ENOX2: variants seen among roughly 807,000 people sequenced by gnomAD.
ENOX2 encodes APK1 antigen.
Under a neutral mutation model 45.0 loss-of-function variants are expected in ENOX2, and 36 were observed. The ratio of observed to expected loss-of-function variants is 0.80; its 90% CI spans 0.61 to 1.06. The LOEUF (loss-of-function observed/expected upper bound fraction) is 1.06, where lower values mean the gene tolerates loss of function less well. Ranked by LOEUF, ENOX2 falls within the 50% of genes least tolerant of loss-of-function variation. The pLI is 0.00. For synonymous variants in ENOX2, 174 were observed against 152.3 expected (o/e 1.14, Z -1.05); for missense variants, 423 against 462.5 (o/e 0.91, Z 0.78).
At chrX:130,648,174 T>C (rs1045990986) in intron 10 of ENOX2, among the ~76,000 whole-genome samples, 1 of 111,869 alleles carries the variant, frequency 8.9e-6, no homozygotes, top group African/African-American at 3.2e-5. Flanking sequence ...GAAATTAAAC[T>C]GGCTGGGTGC....
In ENOX2 at chrX:130,690,200, A is replaced by G. The variant is rs770651603; in HGVS notation, c.98-1182T>C. Among the ~76,000 whole-genome samples the G allele has an allele frequency of 5.4e-5, 6 of 111,514 alleles. No individual in the cohort carries two copies. In the South Asian group the frequency reaches 1.5e-3, roughly 29 times the overall value. On this transcript the variant is annotated intron_variant, in intron 4 of 14. Transcript: ENST00000394363. ...AGGGGAACTTAGAAAATTTCAAGAA[A>G]GGTACTTCTTACAACCAGAATACAA...
chrX:130,884,210 G>A (rs1195572732), intron 2 of ENOX2, among the ~76,000 whole-genome samples: 2 of 111,695 alleles, frequency 1.8e-5, no homozygotes, highest in South Asian at 3.7e-4. Flanking sequence ...TTTCTTTTTT[G>A]CCAGAAGGAA....
At chrX:130,634,842 C>T (rs2035887679) in intron 12 of ENOX2, 142 bp downstream of exon 12, 1 of 422,805 alleles carries the variant, frequency 2.4e-6, no homozygotes, top group East Asian at 4.0e-5. Context: ...TAAGAATTAC[C>T]CCCGAGAGGG....
chrX:130,655,182 A>C (rs977801096), intron 10 of ENOX2, among the ~76,000 whole-genome samples: 1 of 112,660 alleles, frequency 8.9e-6, no homozygotes, highest in Non-Finnish European at 1.9e-5. Context: ...ATTTATTTGC[A>C]GTAATTAGTT....
chrX:130,860,328 C>T (rs993421470), intron 2 of ENOX2, among the ~76,000 whole-genome samples: 2 of 111,928 alleles, frequency 1.8e-5, no homozygotes, highest in Admixed American at 9.4e-5. Flanking sequence ...TTCACTCCCA[C>T]GGATTTCTTT....
chrX:130,897,820 A>G (rs183771848), intron 2 of ENOX2, among the ~76,000 whole-genome samples: 127 of 111,664 alleles, frequency 1.1e-3, no homozygotes, highest in African/African-American at 4.0e-3. Flanking sequence ...ACTATTTTAT[A>G]TAGAGACCAG....
chrX:130,679,493 A>G (rs1437001031), intron 6 of ENOX2, 49 bp downstream of exon 6: 2 of 1,020,030 alleles, frequency 2.0e-6, no homozygotes, highest in Non-Finnish European at 2.8e-6. Flanking sequence ...TCTATCTTTA[A>G]TATCTGCGTT....
intron 2 of ENOX2, among the ~76,000 whole-genome samples, chrX:130,873,480 G>A (rs147575769): frequency 1.8e-5 from 2 of 111,943 alleles, no homozygotes; most frequent in South Asian, 7.5e-4. Flanking sequence ...GTGGAAGACA[G>A]TGTGGTGATT....
At chrX:130,703,375 G>A (rs1479275271) in intron 3 of ENOX2, 121 bp from the exon 4 acceptor site, 3 of 621,362 alleles carry the variant, frequency 4.8e-6, no homozygotes, top group Non-Finnish European at 7.1e-6. Context: ...ACAAGTGGTG[G>A]ATAAGGCCTC....
intron 3 of ENOX2, among the ~76,000 whole-genome samples, chrX:130,722,612 C>A (rs1373885025): frequency 8.9e-6 from 1 of 112,210 alleles, no homozygotes; most frequent in Non-Finnish European, 1.9e-5. Context: ...CCTTCAAGCA[C>A]AACAGAATGC....
intron 2 of ENOX2, among the ~76,000 whole-genome samples, chrX:130,813,963 A>AC (rs1248707961): frequency 8.9e-6 from 1 of 111,917 alleles, no homozygotes; most frequent in Non-Finnish European, 1.9e-5. Context: ...AGTGGATCCC[A>AC]CCCCCATGGA....
At chrX:130,810,338 C>T (rs993431425) in intron 2 of ENOX2, among the ~76,000 whole-genome samples, 52 of 111,235 alleles carry the variant, frequency 4.7e-4, no homozygotes, top group African/African-American at 1.5e-3. Context: ...CCAGGTCCAC[C>T]GCAGGGCTAG....
intron 10 of ENOX2, chrX:130,645,751 G>A (rs1310484608): frequency 1.2e-6 from 1 of 816,033 alleles, no homozygotes; most frequent in Non-Finnish European, 1.8e-6. Flanking sequence ...ATGGTGTGGC[G>A]CCGGCTTCTG....
chrX:130,659,759 G>C (rs746998649), intron 9 of ENOX2, among the ~76,000 whole-genome samples: 1 of 112,309 alleles, frequency 8.9e-6, no homozygotes, highest in African/African-American at 3.2e-5. Context: ...ACATAACCCT[G>C]AGAAAGTTAT....
rs759616146 is a variant in ENOX2, at chrX:130,667,691, C to T, written c.746G>A (p.Arg249Gln). The change falls in exon 8 of 15, where the codon CGA (arginine) becomes CAA (glutamine). Residue 249 changes from arginine to glutamine, a missense_variant. Physicochemically the swap from Arg to Gln is conservative, Grantham distance 43. This residue lies in a region of ENOX2 where 261 missense variants were observed against 306.8 expected (regional missense o/e 0.85). Coordinates refer to ENST00000394363, the MANE Select transcript of ENOX2 (RefSeq NM_006375.4). ...GGCGCTACGACGGTTGACCTCTCCTCGCTCTATCCAGGTAAGCAAGGTCTG... is the reference window on the plus strand; with the variant it reads ...GGCGCTACGACGGTTGACCTCTCCTTGCTCTATCCAGGTAAGCAAGGTCTG... ...AVQTLLTWIE[R>Q]GEVNRRSANN... 8.3e-6 allele frequency: 10 copies of T among 1,209,205 alleles called. No individual in the cohort carries two copies. The highest frequency in any genetic ancestry group is 1.8e-5 in the South Asian group (1 of 56,783).
intron 3 of ENOX2, among the ~76,000 whole-genome samples, chrX:130,745,419 T>A (rs1276478095): frequency 8.9e-6 from 1 of 111,990 alleles, no homozygotes; most frequent in Non-Finnish European, 1.9e-5. Context: ...ATATGATGCT[T>A]GTCTTGAAAA....
chrX:130,645,640 G>A, intron 10 of ENOX2: 2 of 420,431 alleles, frequency 4.8e-6, no homozygotes, highest in Non-Finnish European at 8.2e-6. Context: ...GCGCCCGCCT[G>A]GAGGGATGGG....
At chrX:130,719,376 G>T (rs2038412924) in intron 3 of ENOX2, among the ~76,000 whole-genome samples, 1 of 109,274 alleles carries the variant, frequency 9.2e-6, no homozygotes, top group Admixed American at 9.7e-5. Context: ...TGCCCAGGAG[G>T]GGGTGTGAGA....
At chrX:130,838,209 CCGT>C (rs1452322735) in intron 2 of ENOX2, among the ~76,000 whole-genome samples, 1 of 111,193 alleles carries the variant, frequency 9.0e-6, no homozygotes, top group Non-Finnish European at 1.9e-5. Context: ...TGGTAAAACC[CCGT>C]CTCTGCTAAA....
Sources: gnomAD v4.1 joint callset for allele counts (sites outside exome capture counted in the v4.1 genomes callset) on GRCh38, gnomAD v4.1.1 for gene constraint, gnomAD v4.1.1 regional missense constraint, MANE v1.5 for transcripts, NCBI Gene and HGNC (gene_info 2026-07-23, HGNC 2026-07-21) for gene names.